MECOM: variants seen among roughly 807,000 people sequenced by gnomAD.
MECOM encodes the protein MDS1 and EVI1 complex locus, also known as histone-lysine N-methyltransferase MECOM.
In MECOM, 13 loss-of-function variants were observed where a neutral mutation model predicts 116.3. The observed-to-expected ratio is 0.11, with a 90% CI of 0.07 to 0.18. MECOM has a LOEUF of 0.18. MECOM is among the 10% of genes least tolerant of loss of function. The pLI is 1.00. For synonymous variants in MECOM, 528 were observed against 535.2 expected, an observed-to-expected ratio of 0.99 and a Z score of 0.19; for missense variants, 1,299 against 1,509.0, an observed-to-expected ratio of 0.86 and a Z score of 2.31.
chr3:169,317,166 T>C (rs570273137), intron 2 of MECOM, among the ~76,000 whole-genome samples: 4 of 152,226 alleles, frequency 2.6e-5, no homozygotes, highest in Non-Finnish European at 5.9e-5. Context: ...AGAGTTGTTA[T>C]ACGAGTTGTA....
chr3:169,433,419 G>T (rs1423404611), intron 1 of MECOM, among the ~76,000 whole-genome samples: 1 of 151,914 alleles, frequency 6.6e-6, no homozygotes, highest in Admixed American at 6.6e-5. Flanking sequence ...AGTGAGCAGA[G>T]ATCACGCCAT....
chr3:169,124,707 G>A (rs1318676973), intron 5 of MECOM, among the ~76,000 whole-genome samples: 2 of 151,968 alleles, frequency 1.3e-5, no homozygotes, highest in African/African-American at 4.8e-5. Context: ...GACAAGATTG[G>A]CTTCATGTGA....
intron 2 of MECOM, among the ~76,000 whole-genome samples, chr3:169,160,305 A>T (rs1348938499): frequency 2.7e-5 from 4 of 148,744 alleles, no homozygotes; most frequent in East Asian, 1.9e-4. Flanking sequence ...GGAGACAGAT[A>T]AAAAAAAAAT....
chr3:169,434,349 A>T (rs1249581201), intron 1 of MECOM, among the ~76,000 whole-genome samples: 1 of 152,222 alleles, frequency 6.6e-6, no homozygotes, highest in African/African-American at 2.4e-5. Context: ...ACCAGAAATA[A>T]TAGTAACAAG....
chr3:169,115,732 C>G lies in MECOM; in HGVS notation c.2140G>C (p.Asp714His), dbSNP rs748180526. 4.3e-6 allele frequency: 7 copies of G among 1,614,118 alleles called. No homozygotes were observed. In the South Asian group the frequency reaches 7.7e-5, roughly 18 times the overall value. Residue 714 changes from aspartate (D) to histidine (H), a missense_variant, in exon 8 of 17, where the codon GAC becomes CAC. This residue lies in a region of MECOM where 340 missense variants were observed against 312.6 expected (regional missense o/e 1.09). Coordinates refer to ENST00000651503, the MANE Select transcript of MECOM (RefSeq NM_004991.4). ...SQSMYPFPDR[D>H]LRSLPLKMEP... is the part of the protein sequence containing the mutation. ...ATTTTCAAAGGTAACGATCTCAAGTCTCTATCAGGAAATGGGTACATTGAT... is the reference window on the plus strand; with the variant it reads ...ATTTTCAAAGGTAACGATCTCAAGTGTCTATCAGGAAATGGGTACATTGAT...
intron 2 of MECOM, among the ~76,000 whole-genome samples, chr3:169,269,808 G>T (rs1758719003): frequency 6.6e-6 from 1 of 152,070 alleles, no homozygotes; most frequent in Admixed American, 6.6e-5. Context: ...TAGTTCTTTG[G>T]TGCTATTTTT....
At chr3:169,518,238 G>A (rs369597211) in intron 1 of MECOM, among the ~76,000 whole-genome samples, 146 of 150,364 alleles carry the variant, frequency 9.7e-4, no homozygotes, top group African/African-American at 3.1e-3. Flanking sequence ...CAGCCTGGGC[G>A]ACAGAGTGAG....
chr3:169,289,761 T>C (rs776604206), intron 2 of MECOM, among the ~76,000 whole-genome samples: 7 of 152,140 alleles, frequency 4.6e-5, no homozygotes, highest in African/African-American at 1.4e-4. Flanking sequence ...AATTAGAAAA[T>C]AGAAGCAGGA....
chr3:169,147,930 T>C (rs1740425770), intron 2 of MECOM, among the ~76,000 whole-genome samples: 1 of 152,050 alleles, frequency 6.6e-6, no homozygotes, highest in Non-Finnish European at 1.5e-5. Flanking sequence ...TAGTTCAGAC[T>C]AAATATAAAT....
intron 2 of MECOM, among the ~76,000 whole-genome samples, chr3:169,166,886 C>A (rs555662461): frequency 5.9e-5 from 9 of 152,158 alleles, no homozygotes; most frequent in Non-Finnish European, 1.2e-4. Context: ...GCACTTGGCC[C>A]TTTTTTTATT....
At position 169,652,470 on chromosome 3, in the gene MECOM, T is replaced by C. The variant is rs200152996; in HGVS notation, c.37+10866A>G. On this transcript the variant is annotated intron_variant, in intron 1 of 16. Transcript: ENST00000651503. ...GTGCACAAGAAACCATATATGGCTG[T>C]TCTCGGTAAAAGAAAACTCCTAACA... Among the ~76,000 whole-genome samples the C allele has an allele frequency of 7.9e-5, 12 of 152,300 alleles. No individual in the cohort carries two copies. The East Asian group carries it at 2.1e-3, about 27-fold the overall frequency.
Position 169,263,978 on chromosome 3 carries a change from T to C in MECOM, c.375+117209A>G, listed in dbSNP as rs150161863. 5.8e-3 allele frequency among the ~76,000 whole-genome samples: 879 copies of C among 151,130 alleles called. 3 individuals are homozygous for C. Among genetic ancestry groups the C allele is most frequent in the Admixed American group, 0.011 (170 of 15,190 alleles). On this transcript the variant is annotated intron_variant, in intron 2 of 16. Coordinates refer to ENST00000651503, the MANE Select transcript of MECOM (RefSeq NM_004991.4). Reference sequence around the variant, plus strand: ...GGCCCAGAGCAGTAGTGAAAGTAAATGTAGAAATAAGAAAAACAATGATGC... The same window carrying C: ...GGCCCAGAGCAGTAGTGAAAGTAAACGTAGAAATAAGAAAAACAATGATGC...
chr3:169,141,732 C>T (rs1301014042), intron 3 of MECOM, among the ~76,000 whole-genome samples: 2 of 151,982 alleles, frequency 1.3e-5, no homozygotes, highest in East Asian at 1.9e-4. Context: ...TACATCTACA[C>T]GTATCATACA....
chr3:169,179,599 G>C (rs1745675473), intron 2 of MECOM, among the ~76,000 whole-genome samples: 1 of 152,072 alleles, frequency 6.6e-6, no homozygotes, highest in African/African-American at 2.4e-5. Flanking sequence ...TGTAACAATA[G>C]GGCCATCTCA....
At chr3:169,586,878 T>C (rs1765835345) in intron 1 of MECOM, among the ~76,000 whole-genome samples, 1 of 152,210 alleles carries the variant, frequency 6.6e-6, no homozygotes, top group African/African-American at 2.4e-5. Context: ...TTCCACTTAC[T>C]AGGTATCAGC....
chr3:169,472,956 C>T, intron 1 of MECOM: 1 of 983,458 alleles, frequency 1.0e-6, no homozygotes, highest in Non-Finnish European at 1.2e-6. Flanking sequence ...TTTGTCCCTA[C>T]CTGGTAGTTA....
chr3:169,213,500 T>C (rs541819363), intron 2 of MECOM, among the ~76,000 whole-genome samples: 53 of 152,280 alleles, frequency 3.5e-4, no homozygotes, highest in South Asian at 3.3e-3. Flanking sequence ...TTCTCAACTT[T>C]TATCCTATTA....
Position 169,632,219 on chromosome 3 carries a change from T to C in MECOM, c.37+31117A>G, listed in dbSNP as rs528375220. Among the ~76,000 whole-genome samples, 122 of 30,404 alleles carry C rather than the reference T, an allele frequency of 4.0e-3. 1 individual carries two copies. Among genetic ancestry groups the C allele is most frequent in the South Asian group, 0.034 (29 of 864 alleles). The allele number at this position is 30,404 out of a possible 152,430, so 19.9% of individuals were successfully genotyped here. A position where few individuals can be genotyped will look rare whatever the true frequency, so the allele number is the denominator to read the frequency against. On this transcript the variant is annotated intron_variant, in intron 1 of 16. Transcript: ENST00000651503. ...TATATATATATATATTCAAAACACA[T>C]GTTTTTTCAAAATATGTTTCAAAAT...
chr3:169,521,121 A>T (rs917162947), intron 1 of MECOM, among the ~76,000 whole-genome samples: 1 of 152,196 alleles, frequency 6.6e-6, no homozygotes, highest in African/African-American at 2.4e-5. Flanking sequence ...GATGACACAG[A>T]AGTACCAAAG....
Sources: gnomAD v4.1 joint callset for allele counts (sites outside exome capture counted in the v4.1 genomes callset) on GRCh38, gnomAD v4.1.1 for gene constraint, gnomAD v4.1.1 regional missense constraint, MANE v1.5 for transcripts, NCBI Gene and HGNC (gene_info 2026-07-23, HGNC 2026-07-21) for gene names.